Variants in ROBO1 observed in about 807,000 individuals in gnomAD.
The protein encoded by ROBO1 is roundabout homolog 1.
In ROBO1, 149 loss-of-function variants were observed where a neutral mutation model predicts 195.9. That is an observed-to-expected ratio of 0.76 (90% CI 0.67 to 0.87). ROBO1 has a LOEUF of 0.87. ROBO1 is among the 40% of genes least tolerant of loss of function. The pLI, the probability that ROBO1 is intolerant of heterozygous loss-of-function variation, is 0.00. For synonymous variants in ROBO1, 816 were observed against 733.2 expected (o/e 1.11, Z -1.82); for missense variants, 1,933 against 2,068.3 (o/e 0.93, Z 1.27).
intron 2 of ROBO1, among the ~76,000 whole-genome samples, chr3:79,463,635 C>G (rs1473780357): frequency 2.0e-5 from 3 of 152,022 alleles, no homozygotes; most frequent in Non-Finnish European, 4.4e-5. Flanking sequence ...AATCTGCTAA[C>G]CGAAAAAGAT....
At chr3:78,738,523 C>CTAT (rs2082446908) in intron 5 of ROBO1, among the ~76,000 whole-genome samples, 1 of 152,104 alleles carries the variant, frequency 6.6e-6, no homozygotes, top group African/African-American at 2.4e-5. Flanking sequence ...TATATTTTAG[C>CTAT]TATTTTTTAC....
intron 3 of ROBO1, among the ~76,000 whole-genome samples, chr3:79,114,890 G>A (rs2079962615): frequency 6.6e-6 from 1 of 152,106 alleles, no homozygotes; most frequent in South Asian, 2.1e-4. Flanking sequence ...CTACTATTTG[G>A]GGAATATGCC....
chr3:79,679,907 G>A (rs1946893313), intron 1 of ROBO1, among the ~76,000 whole-genome samples: 1 of 152,034 alleles, frequency 6.6e-6, no homozygotes, highest in African/African-American at 2.4e-5. Flanking sequence ...TGGATCCAAT[G>A]TTCTTGAGTT....
intron 1 of ROBO1, among the ~76,000 whole-genome samples, chr3:79,617,770 T>A (rs906139971): frequency 7.5e-6 from 1 of 132,906 alleles, no homozygotes; most frequent in Non-Finnish European, 1.5e-5. Context: ...CTCAATGAGA[T>A]GCAAGAGGCC....
intron 2 of ROBO1, among the ~76,000 whole-genome samples, chr3:79,390,538 G>A (rs2036910217): frequency 6.6e-6 from 1 of 152,174 alleles, no homozygotes; most frequent in Admixed American, 6.5e-5. Context: ...TGTGTGTGGT[G>A]TGACGTCATG....
chr3:78,819,445 C>CAA (rs5850394), intron 4 of ROBO1, among the ~76,000 whole-genome samples: 1,323 of 123,390 alleles, frequency 0.011, 9 homozygotes, highest in Middle Eastern at 0.038. Context: ...CCATATTCTA[C>CAA]AAAAAAAAAA....
At chr3:79,422,093 TA>T (rs1414076531) in intron 2 of ROBO1, among the ~76,000 whole-genome samples, 8 of 148,222 alleles carry the variant, frequency 5.4e-5, no homozygotes, top group Non-Finnish European at 8.9e-5. Flanking sequence ...GTATTATATA[TA>T]AAAATATTTT....
chr3:78,617,497 T>C, intron 27 of ROBO1, 138 bp downstream of exon 27: 1 of 741,646 alleles, frequency 1.3e-6, no homozygotes, highest in Admixed American at 3.8e-5. Context: ...TGTCATTTCC[T>C]TAGGCAGCTA....
intron 2 of ROBO1, among the ~76,000 whole-genome samples, chr3:79,451,676 G>A (rs1355849257): frequency 2.0e-5 from 3 of 152,042 alleles, no homozygotes; most frequent in African/African-American, 4.8e-5. Flanking sequence ...TCAGGGAAGT[G>A]AATAATTAAA....
chr3:79,114,156 G>A (rs530989024), intron 3 of ROBO1, among the ~76,000 whole-genome samples: 8 of 152,264 alleles, frequency 5.3e-5, no homozygotes, highest in African/African-American at 1.2e-4. Context: ...TCCCAGCCAC[G>A]TAGAACTGAG....
chr3:79,359,475 T>G (rs1017056200), intron 2 of ROBO1, among the ~76,000 whole-genome samples: 1 of 152,090 alleles, frequency 6.6e-6, no homozygotes, highest in Non-Finnish European at 1.5e-5. Flanking sequence ...TGGTATCATA[T>G]GTTGTCTGTA....
intron 1 of ROBO1, among the ~76,000 whole-genome samples, chr3:79,731,975 T>A (rs1419484916): frequency 6.6e-6 from 1 of 152,130 alleles, no homozygotes; most frequent in Non-Finnish European, 1.5e-5. Context: ...ATTGAGTTAT[T>A]ATGTGATTTC....
chr3:78,961,129 A>C (rs982763667), intron 3 of ROBO1, among the ~76,000 whole-genome samples: 5 of 152,200 alleles, frequency 3.3e-5, no homozygotes, highest in African/African-American at 9.7e-5. Context: ...ACCACTATAC[A>C]TATACTGGCA....
chr3:79,762,270 T>C (rs1479084125), intron 1 of ROBO1, among the ~76,000 whole-genome samples: 1 of 152,040 alleles, frequency 6.6e-6, no homozygotes. Context: ...GCAAGAGAGC[T>C]TACTCAGACC....
At chr3:79,366,960 A>G (rs1245421964) in intron 2 of ROBO1, among the ~76,000 whole-genome samples, 1 of 152,212 alleles carries the variant, frequency 6.6e-6, no homozygotes, top group Non-Finnish European at 1.5e-5. Flanking sequence ...AGAAATAGGA[A>G]ACAGAAATGG....
intron 2 of ROBO1, among the ~76,000 whole-genome samples, chr3:79,200,695 T>C (rs2081746449): frequency 6.6e-6 from 1 of 151,886 alleles, no homozygotes; most frequent in Admixed American, 6.6e-5. Context: ...GAATGGCACG[T>C]ACTCTAATGT....
intron 4 of ROBO1, among the ~76,000 whole-genome samples, chr3:78,772,063 A>G (rs1196026400): frequency 1.3e-5 from 2 of 152,304 alleles, no homozygotes; most frequent in South Asian, 4.1e-4. Flanking sequence ...GACAAAAACC[A>G]TATACAAACA....
intron 2 of ROBO1, among the ~76,000 whole-genome samples, chr3:79,430,848 T>A: frequency 6.6e-6 from 1 of 152,166 alleles, no homozygotes; most frequent in Non-Finnish European, 1.5e-5. Flanking sequence ...GATGGGATTT[T>A]GAATTTCCAT....
At chr3:79,632,853 A>G (rs1945384047) in intron 1 of ROBO1, among the ~76,000 whole-genome samples, 1 of 152,054 alleles carries the variant, frequency 6.6e-6, no homozygotes, top group East Asian at 1.9e-4. Flanking sequence ...CTACAGATAA[A>G]GAGAAAATAT....
Sources: allele counts gnomAD v4.1 joint callset (sites outside exome capture counted in the v4.1 genomes callset), GRCh38; gene constraint gnomAD v4.1.1; transcripts MANE v1.5; gene names NCBI Gene and HGNC (gene_info 2026-07-23, HGNC 2026-07-21).